The following EFR3B variants were observed in gnomAD, a reference collection of about 807,000 sequenced individuals.
EFR3B encodes the protein protein EFR3 homolog B.
A neutral mutation model predicts 104.7 loss-of-function variants in EFR3B; 64 were observed. The ratio of observed to expected loss-of-function variants is 0.61; its 90% CI spans 0.50 to 0.75. EFR3B has a LOEUF of 0.75. Ranked by LOEUF, EFR3B falls within the 30% of genes least tolerant of loss-of-function variation. The pLI is 0.00. For missense variants in EFR3B, 750 were observed against 1,078.5 expected, an observed-to-expected ratio of 0.70 and a Z score of 4.27; for synonymous variants, 385 against 417.9, an observed-to-expected ratio of 0.92 and a Z score of 0.96.
Position 25,154,506 on chromosome 2 carries a change from C to T in EFR3B, c.*166C>T. ...GTGGAGACTCTCTGGTCCTTCTTGG[C>T]CCTCCTACCTCCTCCTCGTCTTCCC... On this transcript the variant is annotated 3_prime_UTR_variant, in exon 23 of 23. Coordinates refer to ENST00000403714, the MANE Select transcript of EFR3B (RefSeq NM_014971.2). The surrounding 1 kb of genome is among the most constrained non-coding windows in gnomAD (Gnocchi z 4.1). 1.5e-5 allele frequency: 9 copies of T among 613,990 alleles called. No individual in the cohort carries two copies. The South Asian group carries it at 1.9e-4, about 13-fold the overall frequency. The allele number at this position is 613,990 out of a possible 1,614,324, so 38.0% of individuals were successfully genotyped here.
At chr2:25,044,406 A>T (rs1667662316) in intron 1 of EFR3B, among the ~76,000 whole-genome samples, 1 of 152,234 alleles carries the variant, frequency 6.6e-6, no homozygotes, top group East Asian at 1.9e-4. Context: ...TCTCACCAGA[A>T]GTCAATAGAG....
chr2:25,091,145 A>G (rs1278422876), intron 1 of EFR3B, among the ~76,000 whole-genome samples, 180 bp from the exon 2 acceptor site: 2 of 152,354 alleles, frequency 1.3e-5, no homozygotes, highest in South Asian at 2.1e-4. Context: ...GTGTGGGGGT[A>G]GGGGACAATG....
chr2:25,058,695 C>G (rs765677221), intron 1 of EFR3B, among the ~76,000 whole-genome samples: 1 of 150,784 alleles, frequency 6.6e-6, no homozygotes, highest in Non-Finnish European at 1.5e-5. Context: ...GGAGGGGGAG[C>G]TTGCAGTGAG....
chr2:25,121,280 T>C (rs944138733), intron 4 of EFR3B, among the ~76,000 whole-genome samples: 28 of 152,212 alleles, frequency 1.8e-4, no homozygotes, highest in Admixed American at 1.2e-3. Flanking sequence ...CTCGAATTCA[T>C]TGAGGGTGGT....
chr2:25,057,600 G>A (rs1446601523), intron 1 of EFR3B, among the ~76,000 whole-genome samples: 1 of 151,924 alleles, frequency 6.6e-6, no homozygotes, highest in Non-Finnish European at 1.5e-5. Flanking sequence ...TGACCAACAT[G>A]GAGAAACCCC....
chr2:25,097,432 G>T (rs1669310220), intron 3 of EFR3B, among the ~76,000 whole-genome samples: 1 of 152,146 alleles, frequency 6.6e-6, no homozygotes, highest in Non-Finnish European at 1.5e-5. Flanking sequence ...AGGGTGAGAG[G>T]CTGTGTCTCC....
chr2:25,080,090 C>CAATTTCCA (rs1487691175), intron 1 of EFR3B: 1 of 940,354 alleles, frequency 1.1e-6, no homozygotes, highest in Non-Finnish European at 1.8e-6. Context: ...ACAGGTATTT[C>CAATTTCCA]AATTTCCACA....
intron 11 of EFR3B, 69 bp from the exon 12 acceptor site, chr2:25,133,314 C>G: frequency 6.7e-7 from 1 of 1,488,610 alleles, no homozygotes; most frequent in South Asian, 1.2e-5. Context: ...TGGGGTAGAA[C>G]TAAGCTGGCA....
chr2:25,139,237 T>C, intron 16 of EFR3B, 47 bp downstream of exon 16: 2 of 1,535,216 alleles, frequency 1.3e-6, no homozygotes, highest in Non-Finnish European at 1.8e-6. Flanking sequence ...CAACTTGGGG[T>C]TTCCTGGGAA....
chr2:25,152,062 C>A (rs1243254436), intron 21 of EFR3B, 42 bp downstream of exon 21: 1 of 1,541,138 alleles, frequency 6.5e-7, no homozygotes, highest in East Asian at 2.5e-5. Flanking sequence ...GGAGCCAAGT[C>A]AAGACTGAAT....
intron 4 of EFR3B, among the ~76,000 whole-genome samples, chr2:25,119,200 C>T (rs982128367): frequency 4.6e-5 from 7 of 152,128 alleles, no homozygotes; most frequent in African/African-American, 1.2e-4. Flanking sequence ...CAGTGACAAC[C>T]GGGCTGCTTG....
At position 25,153,852 on chromosome 2, in the gene EFR3B, C is replaced by T; in HGVS notation, c.2348+91C>T. The stretch of plus-strand genomic sequence containing the variant: ...AGTCCTCTCACCCCTGTCTTCTCTT[C>T]TCTCCTCCCCACCTCCTTCTACCAC... On this transcript the variant is annotated intron_variant, in intron 22 of 22. Coordinates refer to ENST00000403714, the MANE Select transcript of EFR3B (RefSeq NM_014971.2). The T allele has an allele frequency of 3.1e-6, 4 of 1,296,390 alleles. No individual in the cohort carries two copies. In the Admixed American group the frequency reaches 5.9e-5, roughly 19 times the overall value. 80.3% of individuals were successfully genotyped at this position (1,296,390 alleles called of 1,614,324 possible).
intron 3 of EFR3B, among the ~76,000 whole-genome samples, chr2:25,101,431 C>T (rs545964884): frequency 4.1e-4 from 63 of 152,298 alleles, no homozygotes; most frequent in South Asian, 3.1e-3. Context: ...CTCACTGCAG[C>T]CTCGACCTCT....
At chr2:25,106,091 C>T (rs1669555327) in intron 4 of EFR3B, among the ~76,000 whole-genome samples, 1 of 152,202 alleles carries the variant, frequency 6.6e-6, no homozygotes, top group Non-Finnish European at 1.5e-5. Flanking sequence ...CTTGAGCCTT[C>T]CTGAGAAGAG....
chr2:25,074,951 A>T (rs1341488740), intron 1 of EFR3B, among the ~76,000 whole-genome samples: 20 of 152,090 alleles, frequency 1.3e-4, no homozygotes, highest in Admixed American at 1.3e-3. Context: ...TTTTATTTTG[A>T]AATATGGATT....
At position 25,127,766 on chromosome 2, in the gene EFR3B, G is replaced by T. The variant is rs764130256; in HGVS notation, c.486-417G>T. Among the ~76,000 whole-genome samples the T allele has an allele frequency of 5.3e-5, 8 of 152,254 alleles. 1 individual carries two copies. The highest frequency in any genetic ancestry group is 1.3e-4 in the Admixed American group (2 of 15,284). On this transcript the variant is annotated intron_variant, in intron 5 of 22. Coordinates refer to ENST00000403714, the MANE Select transcript of EFR3B (RefSeq NM_014971.2). ...GTGCCCAGAGAGCCTGCAGCTCTGTGCCTCTCCCTCTGGATCCGCCTCCCC... is the reference window on the plus strand; with the variant it reads ...GTGCCCAGAGAGCCTGCAGCTCTGTTCCTCTCCCTCTGGATCCGCCTCCCC...
rs1227902351 is a variant in EFR3B at position 25,141,396 on chromosome 2, T to C, written c.1885T>C (p.Tyr629His). The change falls in exon 17 of 23, where the codon TAC becomes CAC. Residue 629 changes from tyrosine (Y) to histidine (H), a missense_variant. By Grantham distance (83) the Tyr-to-His change is moderately conservative (BLOSUM62 2). Coordinates refer to ENST00000403714, the MANE Select transcript of EFR3B (RefSeq NM_014971.2). ...VIETRKKEAP[Y>H]MLPEDVFVER... ...AGAGACCAGGAAGAAAGAGGCTCCA[T>C]ACATGCTCCCCGAGGATGTGTTTGT... The C allele has an allele frequency of 6.4e-7, 1 of 1,551,538 alleles. No homozygotes were observed. The highest frequency in any genetic ancestry group is 8.7e-7 in the Non-Finnish European group (1 of 1,146,904).
rs368072893 is a variant in EFR3B at position 25,158,018 on chromosome 2, C to G, written c.*3678C>G. The G allele has an allele frequency of 6.5e-4, 99 of 152,428 alleles. 1 individual carries two copies. The highest frequency in any genetic ancestry group is 2.1e-3 in the African/African-American group (89 of 41,572). The allele number at this position is 152,428 out of a possible 1,614,324, so 9.4% of individuals were successfully genotyped here. Reference sequence around the variant, plus strand: ...AGCACAAGTGTCATAGATGTGCCGCCCTTTGCCCTGGGTGTTCTAGATCAC... The same window carrying G: ...AGCACAAGTGTCATAGATGTGCCGCGCTTTGCCCTGGGTGTTCTAGATCAC... On this transcript the variant is annotated 3_prime_UTR_variant, in exon 23 of 23. Coordinates refer to ENST00000403714, the MANE Select transcript of EFR3B (RefSeq NM_014971.2).
intron 10 of EFR3B, among the ~76,000 whole-genome samples, chr2:25,132,573 C>A (rs1488010283): frequency 4.6e-5 from 7 of 152,024 alleles, no homozygotes; most frequent in Non-Finnish European, 8.8e-5. Context: ...AAGCACCCAA[C>A]GAGAACTCGG....
Sources: gnomAD v4.1 joint callset for allele counts (sites outside exome capture counted in the v4.1 genomes callset) on GRCh38, gnomAD v4.1.1 for gene constraint, Gnocchi (gnomAD v3.1) non-coding constraint, MANE v1.5 for transcripts, NCBI Gene and HGNC (gene_info 2026-07-23, HGNC 2026-07-21) for gene names.